Variants in PLXDC2 observed in about 807,000 individuals in gnomAD.
PLXDC2 encodes the protein plexin domain-containing protein 2.
A neutral mutation model predicts 68.9 loss-of-function variants in PLXDC2; 40 were observed. The ratio of observed to expected loss-of-function variants is 0.58; its 90% CI spans 0.45 to 0.76. The LOEUF (loss-of-function observed/expected upper bound fraction) is 0.76. Ranked by LOEUF, PLXDC2 falls within the 30% of genes least tolerant of loss-of-function variation. The probability of loss-of-function intolerance (pLI) is 0.00; values close to 1 mark genes in which losing one functional copy is unlikely to be tolerated. For missense variants in PLXDC2, 644 were observed against 661.9 expected (o/e 0.97, Z 0.30); for synonymous variants, 243 against 234.2 (o/e 1.04, Z -0.34).
chr10:20,017,725 A>T (rs140787262), intron 2 of PLXDC2, among the ~76,000 whole-genome samples: 115 of 152,354 alleles, frequency 7.5e-4, no homozygotes, highest in African/African-American at 2.7e-3. Flanking sequence ...AAGGATTTCA[A>T]ACTTTTCAGT....
intron 4 of PLXDC2, among the ~76,000 whole-genome samples, chr10:20,088,916 A>G (rs6482087): frequency 0.21 from 32,099 of 152,028 alleles, 4,427 homozygotes; most frequent in East Asian, 0.61. Context: ...TTTTTCCTCC[A>G]AATTTTGCAT....
chr10:20,228,767 C>A (rs1236990911), intron 12 of PLXDC2, among the ~76,000 whole-genome samples: 1 of 151,774 alleles, frequency 6.6e-6, no homozygotes, highest in Middle Eastern at 3.4e-3. Context: ...ATAGAGACAG[C>A]AAGAAAACAG....
At chr10:20,212,264 T>C (rs1835079347) in intron 10 of PLXDC2, among the ~76,000 whole-genome samples, 1 of 152,056 alleles carries the variant, frequency 6.6e-6, no homozygotes, top group Non-Finnish European at 1.5e-5. Context: ...AGTGGTATTG[T>C]GGAGGGTGGA....
chr10:20,160,142 A>G (rs902351835), intron 6 of PLXDC2, among the ~76,000 whole-genome samples: 16 of 152,200 alleles, frequency 1.1e-4, no homozygotes, highest in African/African-American at 3.1e-4. Context: ...GAATGAATGA[A>G]TGGATTCTAT....
chr10:20,190,890 G>A (rs887757612), intron 9 of PLXDC2, among the ~76,000 whole-genome samples: 3 of 151,762 alleles, frequency 2.0e-5, no homozygotes, highest in Non-Finnish European at 2.9e-5. Context: ...CCAGAAAATC[G>A]AAATATGACT....
In PLXDC2 at chr10:20,267,273, C is replaced by G. The variant is rs184888790; in HGVS notation, c.1474-12430C>G. 5.1e-4 allele frequency among the ~76,000 whole-genome samples: 78 copies of G among 152,202 alleles called. 1 individual carries two copies. The Middle Eastern group carries it at 0.014, about 27-fold the overall frequency. On this transcript the variant is annotated intron_variant, in intron 13 of 13. Transcript: ENST00000377252. ...TTAGTTGTTAAGGCTGACTGAAGGC[C>G]ATAGCTTCTTACTAAGTAGAGAATC...
rs183162118 is a variant in PLXDC2 at position 20,159,796 on chromosome 10, C to T, written c.784-4672C>T. 8.2e-4 allele frequency among the ~76,000 whole-genome samples: 125 copies of T among 152,242 alleles called. No homozygotes were observed. The South Asian group carries it at 8.5e-3, about 10-fold the overall frequency. On this transcript the variant is annotated intron_variant, in intron 6 of 13. Coordinates refer to ENST00000377252, the MANE Select transcript of PLXDC2 (RefSeq NM_032812.9). ...ATTCAGTCAAGCCCTTTACATGTGC[C>T]GGTACATCTACCCACAGTTGTTTCC...
chr10:20,089,961 G>A (rs1313521672), intron 4 of PLXDC2, among the ~76,000 whole-genome samples: 1 of 152,072 alleles, frequency 6.6e-6, no homozygotes, highest in Non-Finnish European at 1.5e-5. Flanking sequence ...CAGATTAGAG[G>A]GAAGGCTCAT....
intron 1 of PLXDC2, among the ~76,000 whole-genome samples, chr10:19,839,890 C>T: frequency 6.6e-6 from 1 of 152,170 alleles, no homozygotes; most frequent in East Asian, 1.9e-4. Context: ...AACTTGCTTT[C>T]ATTCTAAATA....
chr10:20,238,388 C>T (rs1486260507), intron 12 of PLXDC2, among the ~76,000 whole-genome samples: 4 of 150,502 alleles, frequency 2.7e-5, no homozygotes, highest in Non-Finnish European at 5.9e-5. Context: ...GGCTCACACC[C>T]GTAATTCCAG....
chr10:19,977,055 A>G (rs1298066910), intron 1 of PLXDC2, among the ~76,000 whole-genome samples: 1 of 152,144 alleles, frequency 6.6e-6, no homozygotes, highest in Non-Finnish European at 1.5e-5. Flanking sequence ...ATGGCATAAT[A>G]TCTGTTCCCT....
intron 2 of PLXDC2, among the ~76,000 whole-genome samples, chr10:20,010,769 T>C (rs1238559692): frequency 1.3e-5 from 2 of 152,238 alleles, no homozygotes; most frequent in Non-Finnish European, 2.9e-5. Context: ...AGAAATCTCA[T>C]ATTTAATCTC....
rs537764376 is a variant in PLXDC2 at position 19,907,751 on chromosome 10, CCTGT to C, written c.112+90563_112+90566del. On this transcript the variant is annotated intron_variant, in intron 1 of 13. Transcript: ENST00000377252. ...TACATCACTTAAAAGATTGTGGAAA[CCTGT>C]CTATTTCCTCGGTTATTTTACAGTT... 1.2e-4 allele frequency among the ~76,000 whole-genome samples: 19 copies of C among 152,272 alleles called. No homozygotes were observed. The East Asian group carries it at 3.1e-3, about 25-fold the overall frequency.
chr10:20,064,140 A>C (rs899466514), intron 3 of PLXDC2, among the ~76,000 whole-genome samples: 9 of 150,668 alleles, frequency 6.0e-5, no homozygotes, highest in Non-Finnish European at 4.4e-5. Flanking sequence ...TTCATGTTAA[A>C]TATTTCTTAA....
At chr10:20,218,994 T>C (rs1352440438) in intron 11 of PLXDC2, 70 bp from the exon 12 acceptor site, 1 of 1,529,986 alleles carries the variant, frequency 6.5e-7, no homozygotes, top group Non-Finnish European at 8.9e-7. Flanking sequence ...AGACAATTAC[T>C]AGTCATAAGA....
At chr10:19,932,696 ATC>A (rs1233930125) in intron 1 of PLXDC2, among the ~76,000 whole-genome samples, 4 of 152,160 alleles carry the variant, frequency 2.6e-5, no homozygotes, top group African/African-American at 9.7e-5. Context: ...TTATCCTCAT[ATC>A]TCATATTGGA....
At chr10:20,114,384 A>G (rs1158227170) in intron 4 of PLXDC2, among the ~76,000 whole-genome samples, 1 of 152,198 alleles carries the variant, frequency 6.6e-6, no homozygotes, top group African/African-American at 2.4e-5. Flanking sequence ...GCAGTCAATG[A>G]TTACTTGTAA....
intron 13 of PLXDC2, among the ~76,000 whole-genome samples, chr10:20,252,575 A>G (rs1039134352): frequency 2.0e-5 from 3 of 152,212 alleles, no homozygotes; most frequent in Non-Finnish European, 4.4e-5. Context: ...TAGGAAATCA[A>G]CTGGTTTTTA....
At position 20,217,516 on chromosome 10, in the gene PLXDC2, G is replaced by A. The variant is rs908263935; in HGVS notation, c.1213G>A (p.Val405Ile). ...AGGAGCGACAACCACCCAGTTCAGG[G>A]TCCTAACTACCACCAGAAGAGCAGT... ...TVGATTTQFR[V>I]LTTTRRAVTS... is the part of the protein sequence containing the mutation. The change falls in exon 11 of 14, where the codon GTC becomes ATC. Residue 405 changes from valine (V) to isoleucine (I), a missense_variant. Val to Ile is a conservative substitution (Grantham distance 29). Transcript: ENST00000377252. 1.1e-5 allele frequency: 17 copies of A among 1,611,138 alleles called. No homozygotes were observed. Among genetic ancestry groups the A allele is most frequent in the Non-Finnish European group, 1.4e-5 (17 of 1,178,940 alleles).
Sources: gnomAD v4.1 joint callset for allele counts (sites outside exome capture counted in the v4.1 genomes callset) on GRCh38, gnomAD v4.1.1 for gene constraint, MANE v1.5 for transcripts, NCBI Gene and HGNC (gene_info 2026-07-23, HGNC 2026-07-21) for gene names.